KALRN: variants seen among roughly 807,000 people sequenced by gnomAD.
KALRN encodes kalirin.
KALRN carries 70 observed loss-of-function variants against 353.7 expected under a neutral mutation model. The observed-to-expected ratio is 0.20, with a 90% confidence interval of 0.16 to 0.24. The LOEUF (loss-of-function observed/expected upper bound fraction) is 0.24, where lower values mean the gene tolerates loss of function less well. Ranked by LOEUF, KALRN falls within the 10% of genes least tolerant of loss-of-function variation. KALRN has a pLI of 1.00. For synonymous variants in KALRN, 1,391 were observed against 1,434.8 expected (o/e 0.97, Z 0.69); for missense variants, 2,791 against 3,756.7 (o/e 0.74, Z 6.72).
intron 34 of KALRN, among the ~76,000 whole-genome samples, chr3:124,588,479 C>A (rs2075431072): frequency 6.6e-6 from 1 of 152,184 alleles, no homozygotes; most frequent in African/African-American, 2.4e-5. Context: ...GGCTGGAGTG[C>A]AGTGGGACAA....
chr3:124,448,509 CCTCTGAGA>C (rs1390148481), intron 21 of KALRN, among the ~76,000 whole-genome samples: 3 of 152,148 alleles, frequency 2.0e-5, no homozygotes, highest in African/African-American at 2.4e-5. Context: ...ATTCTCTGAG[CCTCTGAGA>C]GATACATCAT....
intron 1 of KALRN, among the ~76,000 whole-genome samples, chr3:124,122,806 C>T (rs2064180885): frequency 2.0e-5 from 3 of 152,108 alleles, no homozygotes; most frequent in Admixed American, 2.0e-4. Context: ...ATTGATAATC[C>T]TACAGTGGCC....
chr3:124,367,884 T>A (rs1280660460), intron 10 of KALRN, among the ~76,000 whole-genome samples: 1 of 13,152 alleles, frequency 7.6e-5, no homozygotes, highest in Admixed American at 6.7e-4. Context: ...CCCACTTCCC[T>A]CCCGGACGGG....
chr3:124,538,223 T>C lies in KALRN; in HGVS notation c.4936-24620T>C, dbSNP rs76570228. On this transcript the variant is annotated intron_variant, in intron 33 of 59. Coordinates refer to ENST00000682506, the MANE Select transcript of KALRN (RefSeq NM_001388419.1). Reference sequence around the variant, plus strand: ...TTGATATAGGAACCAAAGAAGGTGATATTGAAGAGCCAAAGAGTGTTTGTG... The same window carrying C: ...TTGATATAGGAACCAAAGAAGGTGACATTGAAGAGCCAAAGAGTGTTTGTG... 2.7e-4 allele frequency among the ~76,000 whole-genome samples: 41 copies of C among 151,926 alleles called. No individual in the cohort carries two copies. The East Asian group carries it at 7.9e-3, about 29-fold the overall frequency.
chr3:124,127,491 C>T (rs1358984984), intron 1 of KALRN, among the ~76,000 whole-genome samples: 1 of 152,190 alleles, frequency 6.6e-6, no homozygotes, highest in African/African-American at 2.4e-5. Context: ...AAACTTCCCT[C>T]TTTCAGGAAG....
At chr3:124,036,851 C>T (rs1417297521) in intron 1 of KALRN, among the ~76,000 whole-genome samples, 13 of 152,208 alleles carry the variant, frequency 8.5e-5, no homozygotes, top group Admixed American at 8.5e-4. Flanking sequence ...TTGTCCTCTT[C>T]TGATCATTTT....
At chr3:124,630,567 A>T (rs371969288) in intron 34 of KALRN, among the ~76,000 whole-genome samples, 4 of 152,146 alleles carry the variant, frequency 2.6e-5, no homozygotes, top group East Asian at 3.9e-4. Flanking sequence ...CGGCTCCAGT[A>T]GTGTAGTTTA....
chr3:124,312,453 G>T (rs886325427), intron 6 of KALRN, among the ~76,000 whole-genome samples: 3 of 152,156 alleles, frequency 2.0e-5, no homozygotes, highest in Admixed American at 2.0e-4. Flanking sequence ...GAGCCACTGC[G>T]CCCAGTCTGA....
chr3:124,123,402 A>G (rs1307173537), intron 1 of KALRN, among the ~76,000 whole-genome samples: 1 of 152,196 alleles, frequency 6.6e-6, no homozygotes, highest in African/African-American at 2.4e-5. Context: ...ATTCCTTTAA[A>G]CCAAAGCCTA....
At chr3:124,277,717 A>G (rs2074902443) in intron 5 of KALRN, among the ~76,000 whole-genome samples, 1 of 152,084 alleles carries the variant, frequency 6.6e-6, no homozygotes, top group Admixed American at 6.6e-5. Context: ...TGGAGGAAGG[A>G]TGGGGAAGAA....
chr3:124,117,763 C>T (rs551363450), intron 1 of KALRN, among the ~76,000 whole-genome samples: 4 of 152,136 alleles, frequency 2.6e-5, no homozygotes, highest in South Asian at 4.2e-4. Flanking sequence ...CTGTTGGCAC[C>T]GTTCTTTCAG....
chr3:124,115,571 T>C (rs2063378850), intron 1 of KALRN, among the ~76,000 whole-genome samples: 1 of 152,216 alleles, frequency 6.6e-6, no homozygotes, highest in Non-Finnish European at 1.5e-5. Context: ...TTTCTGCCAC[T>C]GTCCGAGCCC....
At chr3:124,293,945 C>G (rs2076626412) in intron 5 of KALRN, among the ~76,000 whole-genome samples, 1 of 152,132 alleles carries the variant, frequency 6.6e-6, no homozygotes, top group Admixed American at 6.5e-5. Flanking sequence ...TTCATTCATT[C>G]ATTCATTCAG....
chr3:124,234,681 C>A, intron 2 of KALRN, 148 bp from the exon 3 acceptor site: 1 of 629,438 alleles, frequency 1.6e-6, no homozygotes, highest in Admixed American at 2.7e-5. Flanking sequence ...CATCTAGACC[C>A]CCCCACCTTG....
rs377555886 is a variant in KALRN, at chr3:124,563,080, T to C, written c.5173T>C (p.Leu1725=). ...SSVEMDCFFP[L]VKDAYSHSSS... Reference sequence around the variant, plus strand: ...CGTGGAGATGGACTGCTTCTTCCCCTTGGTGAAAGGTAGGAGAACAGAGCG... The same window carrying C: ...CGTGGAGATGGACTGCTTCTTCCCCCTGGTGAAAGGTAGGAGAACAGAGCG... The change falls in exon 34 of 60, where the codon TTG becomes CTG. Residue 1725 remains leucine (L), a synonymous_variant. Transcript: ENST00000682506. The C allele has an allele frequency of 2.2e-6, 3 of 1,367,346 alleles. No individual in the cohort carries two copies. Among genetic ancestry groups the C allele is most frequent in the Non-Finnish European group, 2.9e-6 (3 of 1,021,890 alleles). 84.7% of individuals were successfully genotyped at this position (1,367,346 alleles called of 1,614,324 possible).
In KALRN at chr3:124,128,919, G is replaced by C. The variant is rs531749173; in HGVS notation, c.73+95106G>C. Among the ~76,000 whole-genome samples, 4 of 152,100 alleles carry C rather than the reference G, an allele frequency of 2.6e-5. No individual in the cohort carries two copies. In the South Asian group the frequency reaches 8.3e-4, roughly 32 times the overall value. ...CCTCCTCTGTGTTAGCTGCCCTGTTGGCTTGGTTATATCTCTGCACAGGGA... is the reference window on the plus strand; with the variant it reads ...CCTCCTCTGTGTTAGCTGCCCTGTTCGCTTGGTTATATCTCTGCACAGGGA... On this transcript the variant is annotated intron_variant, in intron 1 of 59. Coordinates refer to ENST00000682506, the MANE Select transcript of KALRN (RefSeq NM_001388419.1).
chr3:124,591,933 G>C (rs180966881), intron 34 of KALRN, among the ~76,000 whole-genome samples: 177 of 152,202 alleles, frequency 1.2e-3, no homozygotes, highest in Non-Finnish European at 2.0e-3. Context: ...AACTTAATTA[G>C]ACCAATAAAA....
At chr3:124,157,202 A>G (rs547696236) in intron 1 of KALRN, among the ~76,000 whole-genome samples, 2 of 152,354 alleles carry the variant, frequency 1.3e-5, no homozygotes, top group East Asian at 3.9e-4. Flanking sequence ...GGACTGTGCT[A>G]GGCCAGCAAT....
intron 1 of KALRN, among the ~76,000 whole-genome samples, chr3:124,180,299 A>G (rs997134898): frequency 6.6e-6 from 1 of 152,192 alleles, no homozygotes; most frequent in African/African-American, 2.4e-5. Context: ...TCCATCCTCC[A>G]GCTCCTACCT....
Sources: allele counts gnomAD v4.1 joint callset (sites outside exome capture counted in the v4.1 genomes callset), GRCh38; gene constraint gnomAD v4.1.1; transcripts MANE v1.5; gene names NCBI Gene and HGNC (gene_info 2026-07-23, HGNC 2026-07-21).